The following GRIK2 variants were observed in gnomAD, a reference collection of about 807,000 sequenced individuals.
GRIK2 encodes glutamate receptor ionotropic, kainate 2.
A neutral mutation model predicts 100.3 loss-of-function variants in GRIK2; 32 were observed. The ratio of observed to expected loss-of-function variants is 0.32; its 90% CI spans 0.24 to 0.43. The LOEUF is 0.43. Among genes scored for constraint, GRIK2 ranks in the 20% least tolerant of loss-of-function variants. The probability of loss-of-function intolerance (pLI) is 1.00; values close to 1 mark genes in which losing one functional copy is unlikely to be tolerated. For synonymous variants in GRIK2, 417 were observed against 389.4 expected, an observed-to-expected ratio of 1.07 and a Z score of -0.83; for missense variants, 843 against 1,114.9, an observed-to-expected ratio of 0.76 and a Z score of 3.47.
chr6:101,610,022 A>G (rs1006845337), intron 2 of GRIK2, among the ~76,000 whole-genome samples: 1 of 151,710 alleles, frequency 6.6e-6, no homozygotes, highest in Non-Finnish European at 1.5e-5. Flanking sequence ...TAATTTTAAG[A>G]ATTTTAAGAA....
chr6:101,616,526 A>G (rs895504143), intron 2 of GRIK2, among the ~76,000 whole-genome samples: 11 of 151,796 alleles, frequency 7.2e-5, no homozygotes, highest in African/African-American at 2.4e-4. Context: ...TTTATTAAGT[A>G]TATCTACCAT....
chr6:101,964,741 G>A (rs189497067), intron 14 of GRIK2, among the ~76,000 whole-genome samples: 42 of 152,214 alleles, frequency 2.8e-4, no homozygotes, highest in Non-Finnish European at 4.9e-4. Flanking sequence ...CATGGAAGGT[G>A]CAAATTTGAT....
intron 15 of GRIK2, among the ~76,000 whole-genome samples, chr6:102,043,745 C>CTGAT (rs1442680835): frequency 2.0e-4 from 15 of 73,292 alleles, no homozygotes; most frequent in African/African-American, 5.2e-4. Context: ...CTTTGACAAA[C>CTGAT]TGATTTCAAA....
At chr6:101,420,997 T>C (rs1013761786) in intron 2 of GRIK2, among the ~76,000 whole-genome samples, 1 of 152,162 alleles carries the variant, frequency 6.6e-6, no homozygotes, top group Non-Finnish European at 1.5e-5. Flanking sequence ...GACTCAGTGC[T>C]CAGGACACAG....
At chr6:101,998,465 A>ATCAG (rs1341573369) in intron 14 of GRIK2, among the ~76,000 whole-genome samples, 2 of 151,998 alleles carry the variant, frequency 1.3e-5, no homozygotes, top group African/African-American at 2.4e-5. Flanking sequence ...GAATCACTCA[A>ATCAG]GTTTAATGAA....
chr6:101,929,730 A>G (rs1413114603), intron 14 of GRIK2, among the ~76,000 whole-genome samples: 1 of 152,120 alleles, frequency 6.6e-6, no homozygotes, highest in Admixed American at 6.5e-5. Context: ...CTTTAAAATA[A>G]ATTTCTGGAG....
chr6:101,414,660 G>A (rs1416057262), intron 2 of GRIK2, among the ~76,000 whole-genome samples: 1 of 152,122 alleles, frequency 6.6e-6, no homozygotes, highest in Non-Finnish European at 1.5e-5. Flanking sequence ...GATCTAAAAG[G>A]ATGCTGTAGT....
intron 11 of GRIK2, among the ~76,000 whole-genome samples, chr6:101,862,588 A>T (rs1241793487): frequency 6.6e-6 from 1 of 151,246 alleles, no homozygotes; most frequent in Non-Finnish European, 1.5e-5. Context: ...CTAATTATTT[A>T]TTATTATTAT....
chr6:101,983,731 A>G lies in GRIK2; in HGVS notation c.2086-51610A>G, dbSNP rs193247449. On this transcript the variant is annotated intron_variant, in intron 14 of 16. Transcript: ENST00000369134. ...CTGAAATATCTACAATTTCTTATCAATCTCAAAGAAAATACATTATGTTTG... is the reference window on the plus strand; with the variant it reads ...CTGAAATATCTACAATTTCTTATCAGTCTCAAAGAAAATACATTATGTTTG... Among the ~76,000 whole-genome samples, 13 of 151,902 alleles carry G rather than the reference A, an allele frequency of 8.6e-5. No individual in the cohort carries two copies. In the East Asian group the frequency reaches 2.3e-3, roughly 27 times the overall value.
chr6:101,627,158 CAGAT>C (rs1305073424), intron 4 of GRIK2, among the ~76,000 whole-genome samples: 11 of 144,130 alleles, frequency 7.6e-5, no homozygotes, highest in Non-Finnish European at 1.2e-4. Flanking sequence ...TGTACATAGA[CAGAT>C]AGATAGAGTC....
Position 101,686,226 on chromosome 6 carries a change from A to T in GRIK2, c.824A>T (p.Asn275Ile). The T allele has an allele frequency of 6.2e-7, 1 of 1,612,920 alleles. No individual in the cohort carries two copies. Among genetic ancestry groups the T allele is most frequent in the Non-Finnish European group, 8.5e-7 (1 of 1,179,052 alleles). ...DVEPYRYSGVNMTGFRILNTE... is the reference protein window; with the variant it reads ...DVEPYRYSGVIMTGFRILNTE... ...GAGCCCTACCGATACAGTGGTGTTA[A>T]CATGACAGGGTTCAGAATATTAAAT... is the stretch of plus-strand genomic sequence containing the variant. The change falls in exon 7 of 17, where the codon AAC becomes ATC. Residue 275 changes from asparagine to isoleucine, a missense_variant. Around this residue, in one of 3 missense-constraint regions of GRIK2, gnomAD observed 519 missense variants for 643.8 expected, o/e 0.81. Transcript: ENST00000369134.
chr6:101,570,567 C>T (rs534974825), intron 2 of GRIK2, among the ~76,000 whole-genome samples: 9 of 152,206 alleles, frequency 5.9e-5, no homozygotes, highest in South Asian at 4.1e-4. Flanking sequence ...CTTTGAGTAC[C>T]TTATTGAAAA....
chr6:101,415,654 G>A (rs1054161825), intron 2 of GRIK2, among the ~76,000 whole-genome samples: 1 of 151,972 alleles, frequency 6.6e-6, no homozygotes, highest in African/African-American at 2.4e-5. Flanking sequence ...AGAGCCTTGA[G>A]CCACCGCGCC....
At chr6:101,585,309 A>G (rs1283491711) in intron 2 of GRIK2, among the ~76,000 whole-genome samples, 1 of 152,104 alleles carries the variant, frequency 6.6e-6, no homozygotes, top group Non-Finnish European at 1.5e-5. Context: ...GTGTGTTTAT[A>G]TACGTATGTG....
intron 7 of GRIK2, among the ~76,000 whole-genome samples, chr6:101,728,942 A>G (rs1457278474): frequency 2.0e-5 from 3 of 151,418 alleles, no homozygotes; most frequent in Non-Finnish European, 4.4e-5. Context: ...TGTTAATGGA[A>G]TATAGTTGTA....
intron 7 of GRIK2, among the ~76,000 whole-genome samples, chr6:101,798,037 C>G (rs1184537225): frequency 6.7e-6 from 1 of 149,556 alleles, no homozygotes; most frequent in African/African-American, 2.5e-5. Context: ...CAGTAGATTT[C>G]CACTCTTTTT....
At chr6:101,440,818 T>G (rs1193880376) in intron 2 of GRIK2, among the ~76,000 whole-genome samples, 1 of 152,040 alleles carries the variant, frequency 6.6e-6, no homozygotes, top group African/African-American at 2.4e-5. Context: ...TCCTCCTAAA[T>G]ACGCAAGGGC....
At chr6:101,602,842 T>G (rs1779285043) in intron 2 of GRIK2, among the ~76,000 whole-genome samples, 1 of 151,736 alleles carries the variant, frequency 6.6e-6, no homozygotes, top group Admixed American at 6.6e-5. Flanking sequence ...CAATGTTCAA[T>G]ATAATATGGA....
chr6:101,789,909 A>G (rs1779718838), intron 7 of GRIK2, among the ~76,000 whole-genome samples: 1 of 152,134 alleles, frequency 6.6e-6, no homozygotes, highest in Non-Finnish European at 1.5e-5. Context: ...TTCTCCTTGA[A>G]GAGGTCCTTC....
Sources: allele counts gnomAD v4.1 joint callset (sites outside exome capture counted in the v4.1 genomes callset), GRCh38; gene constraint gnomAD v4.1.1; regional missense constraint gnomAD v4.1.1; transcripts MANE v1.5; gene names NCBI Gene and HGNC (gene_info 2026-07-23, HGNC 2026-07-21).